PRKCQ: variants seen among roughly 807,000 people sequenced by gnomAD.
The protein encoded by PRKCQ is protein kinase C theta type.
A neutral mutation model predicts 91.2 loss-of-function variants in PRKCQ; 41 were observed. The ratio of observed to expected loss-of-function variants is 0.45; its 90% CI spans 0.35 to 0.58. The LOEUF (loss-of-function observed/expected upper bound fraction) is 0.58, where lower values mean the gene tolerates loss of function less well. PRKCQ is among the 20% of genes least tolerant of loss of function. The pLI is 0.00. For synonymous variants in PRKCQ, 307 were observed against 316.9 expected, an observed-to-expected ratio of 0.97 and a Z score of 0.33; for missense variants, 673 against 896.5, an observed-to-expected ratio of 0.75 and a Z score of 3.18.
rs374667407 is a variant in PRKCQ, at chr10:6,478,975, C to T, written c.1353+17G>A. On this transcript the variant is annotated intron_variant, in intron 12 of 17. Transcript: ENST00000263125. ...CAGGTTAGAGGGGAGGTAGGGTTGT[C>T]GGAGCAGAAGCCATACCTTGGTCTG... 4.1e-5 allele frequency: 66 copies of T among 1,612,216 alleles called. No individual in the cohort carries two copies. The highest frequency in any genetic ancestry group is 1.6e-4 in the African/African-American group (12 of 74,848).
At chr10:6,406,168 A>G in the PRKCQ span, among the ~76,000 whole-genome samples, 5 of 149,846 alleles carry the variant, frequency 3.3e-5, no homozygotes, top group African/African-American at 9.7e-5. Flanking sequence ...AATTTAAAAT[A>G]TACAACATTT....
At chr10:6,499,726 A>G (rs764357863) in intron 4 of PRKCQ, among the ~76,000 whole-genome samples, 11 of 152,236 alleles carry the variant, frequency 7.2e-5, no homozygotes, top group Non-Finnish European at 1.2e-4. Flanking sequence ...CAATGAGTTA[A>G]TAATATTCAA....
At chr10:6,534,269 C>T (rs57831207) in intron 1 of PRKCQ, among the ~76,000 whole-genome samples, 1,589 of 152,010 alleles carry the variant, frequency 0.01, 26 homozygotes, top group African/African-American at 0.037. Flanking sequence ...TTCCAAATGC[C>T]AAAAAGCTCT....
chr10:6,431,082 C>G (rs894170408), intron 16 of PRKCQ, 144 bp from the exon 17 acceptor site: 3 of 1,068,648 alleles, frequency 2.8e-6, no homozygotes. Flanking sequence ...CTAAAGTCAA[C>G]CTGTCCTGGC....
At chr10:6,428,433 G>A in intron 17 of PRKCQ, 71 bp from the exon 18 acceptor site, 1 of 1,534,914 alleles carries the variant, frequency 6.5e-7, no homozygotes, top group Non-Finnish European at 8.8e-7. Context: ...CTTCACTTTT[G>A]TTATCTAGGC....
chr10:6,451,124 T>C (rs1376609348), intron 15 of PRKCQ, among the ~76,000 whole-genome samples: 20 of 150,150 alleles, frequency 1.3e-4, no homozygotes, highest in African/African-American at 4.2e-4. Context: ...TTCAAAAAAT[T>C]AATGAATCCA....
At chr10:6,449,621 C>A (rs1384153285) in intron 15 of PRKCQ, among the ~76,000 whole-genome samples, 7 of 151,912 alleles carry the variant, frequency 4.6e-5, no homozygotes, top group African/African-American at 1.7e-4. Flanking sequence ...GACTCCAAGA[C>A]ACATAATTGT....
chr10:6,467,074 G>A (rs991272921), intron 12 of PRKCQ, among the ~76,000 whole-genome samples: 4 of 152,180 alleles, frequency 2.6e-5, no homozygotes, highest in African/African-American at 9.6e-5. Flanking sequence ...TCCTCAGTGG[G>A]CAATTGATAA....
At chr10:6,463,660 C>G (rs184509086) in intron 13 of PRKCQ, among the ~76,000 whole-genome samples, 1 of 152,130 alleles carries the variant, frequency 6.6e-6, no homozygotes, top group Non-Finnish European at 1.5e-5. Context: ...GATTATTGAG[C>G]GCTGAGCAAA....
At chr10:6,495,434 C>T (rs1307258278) in intron 7 of PRKCQ, among the ~76,000 whole-genome samples, 11 of 152,178 alleles carry the variant, frequency 7.2e-5, no homozygotes, top group Non-Finnish European at 1.5e-5. Flanking sequence ...CTTCCTTCCT[C>T]CTGCTCTTCA....
chr10:6,556,267 C>T (rs1031772141), intron 1 of PRKCQ, among the ~76,000 whole-genome samples: 6 of 151,726 alleles, frequency 4.0e-5, no homozygotes, highest in African/African-American at 1.5e-4. Flanking sequence ...CACATCTCTA[C>T]AAAAAATTTA....
At chr10:6,528,603 C>A (rs1226231216) in intron 1 of PRKCQ, among the ~76,000 whole-genome samples, 4 of 152,242 alleles carry the variant, frequency 2.6e-5, no homozygotes, top group African/African-American at 9.6e-5. Context: ...GTTCTAAGCA[C>A]AAGCATAGCC....
At chr10:6,404,851 C>T in the PRKCQ span, among the ~76,000 whole-genome samples, 2 of 131,074 alleles carry the variant, frequency 1.5e-5, no homozygotes, top group Non-Finnish European at 3.2e-5. Context: ...TTCTTTCCTT[C>T]TTTCTTTCTC....
intron 1 of PRKCQ, among the ~76,000 whole-genome samples, chr10:6,550,361 C>A (rs1291210964): frequency 6.6e-6 from 1 of 152,166 alleles, no homozygotes; most frequent in South Asian, 2.1e-4. Context: ...GCAGCCTCCA[C>A]CTCCCAGATT....
intron 1 of PRKCQ, among the ~76,000 whole-genome samples, chr10:6,571,423 T>A (rs940047237): frequency 2.0e-5 from 3 of 152,234 alleles, no homozygotes; most frequent in South Asian, 4.1e-4. Context: ...CCTGTCTTGC[T>A]CTTTATGAAA....
At chr10:6,551,492 G>A (rs1840182963) in intron 1 of PRKCQ, among the ~76,000 whole-genome samples, 1 of 151,634 alleles carries the variant, frequency 6.6e-6, no homozygotes, top group Admixed American at 6.6e-5. Context: ...CGCCTCCTGG[G>A]TTCATGCCAT....
At chr10:6,455,679 T>G (rs1159234890) in intron 15 of PRKCQ, among the ~76,000 whole-genome samples, 1 of 152,166 alleles carries the variant, frequency 6.6e-6, no homozygotes, top group East Asian at 1.9e-4. Flanking sequence ...GTGAACAAGA[T>G]CACACAAATC....
the PRKCQ span, among the ~76,000 whole-genome samples, chr10:6,416,331 T>C: frequency 1.3e-5 from 2 of 149,086 alleles, no homozygotes; most frequent in Non-Finnish European, 3.0e-5. Context: ...CAGTGTGCAC[T>C]GTACCTACTG....
At chr10:6,580,067 C>A (rs989117373) in intron 1 of PRKCQ, 144 bp downstream of exon 1, 1 of 152,300 alleles carries the variant, frequency 6.6e-6, no homozygotes, top group Non-Finnish European at 1.5e-5. Flanking sequence ...CCGCTTGGTT[C>A]CATTTCCTAC....
Sources: gnomAD v4.1 joint callset for allele counts (sites outside exome capture counted in the v4.1 genomes callset) on GRCh38, gnomAD v4.1.1 for gene constraint, MANE v1.5 for transcripts, NCBI Gene and HGNC (gene_info 2026-07-23, HGNC 2026-07-21) for gene names.